Variants in MARCHF7 observed in about 807,000 individuals in gnomAD.
The protein encoded by MARCHF7 is E3 ubiquitin-protein ligase MARCHF7.
Under a neutral mutation model 76.5 loss-of-function variants are expected in MARCHF7, and 20 were observed. The observed-to-expected ratio is 0.26, with a 90% CI of 0.18 to 0.38. The LOEUF is 0.38. Ranked by LOEUF, MARCHF7 falls within the 10% of genes least tolerant of loss-of-function variation. The probability of loss-of-function intolerance (pLI) is 1.00; values close to 1 mark genes in which losing one functional copy is unlikely to be tolerated. For synonymous variants in MARCHF7, 295 were observed against 293.0 expected, an observed-to-expected ratio of 1.01 and a Z score of -0.07; for missense variants, 797 against 812.9, an observed-to-expected ratio of 0.98 and a Z score of 0.24.
In MARCHF7 at chr2:159,768,870, CTT is replaced by C. The variant is rs1448282327; in HGVS notation, c.*1530_*1531del. On this transcript the variant is annotated 3_prime_UTR_variant, in exon 12 of 12. Coordinates refer to ENST00000409175, the MANE Select transcript of MARCHF7 (RefSeq NM_001282805.2). ...GTTGTCTTCTGCTTAACCCATAAAACTTTATTTAAAAAATTTAACTAGATGGT... is the reference window on the plus strand; with the variant it reads ...GTTGTCTTCTGCTTAACCCATAAAACTATTTAAAAAATTTAACTAGATGGT... 2.0e-5 allele frequency: 3 copies of C among 152,052 alleles called. No individual in the cohort carries two copies. Among genetic ancestry groups the C allele is most frequent in the Non-Finnish European group, 2.9e-5 (2 of 67,990 alleles). 9.4% of individuals were successfully genotyped at this position (152,052 alleles called of 1,614,324 possible).
At chr2:159,747,560 C>T (rs1002784235) in intron 6 of MARCHF7, among the ~76,000 whole-genome samples, 1 of 151,964 alleles carries the variant, frequency 6.6e-6, no homozygotes, top group Non-Finnish European at 1.5e-5. Flanking sequence ...TTTTCATAAG[C>T]TCATAATACA....
At chr2:159,712,757 C>G (rs1194263493) in intron 1 of MARCHF7, 151 bp downstream of exon 1, 1 of 152,452 alleles carries the variant, frequency 6.6e-6, no homozygotes, top group Non-Finnish European at 1.5e-5. Context: ...GGCCTGGGGA[C>G]GCGGAGGCCG....
Position 159,770,949 on chromosome 2 carries a change from C to CATTT in MARCHF7, c.*3608_*3611dup, listed in dbSNP as rs1239840535. 2 of 152,094 alleles carry CATTT rather than the reference C, an allele frequency of 1.3e-5. No homozygotes were observed. The highest frequency in any genetic ancestry group is 4.8e-5 in the African/African-American group (2 of 41,432). The allele number at this position is 152,094 out of a possible 1,614,324, so 9.4% of individuals were successfully genotyped here. ...GGAAAATTACTCGTTTCAGCTTTTT[C>CATTT]ATTTTTTTACTCCCCAAATGATTTT... On this transcript the variant is annotated 3_prime_UTR_variant, in exon 12 of 12. Coordinates refer to ENST00000409175, the MANE Select transcript of MARCHF7 (RefSeq NM_001282805.2).
At chr2:159,756,018 T>G (rs1174960811) in intron 8 of MARCHF7, among the ~76,000 whole-genome samples, 5 of 152,208 alleles carry the variant, frequency 3.3e-5, no homozygotes, top group Non-Finnish European at 7.3e-5. Flanking sequence ...GCCTTTTCTC[T>G]GAGCTATATG....
Position 159,770,891 on chromosome 2 carries a change from T to TTATC in MARCHF7, c.*3551_*3554dup, listed in dbSNP as rs925761011. 4 of 152,154 alleles carry TTATC rather than the reference T, an allele frequency of 2.6e-5. No individual in the cohort carries two copies. The highest frequency in any genetic ancestry group is 7.2e-5 in the African/African-American group (3 of 41,438). The allele number at this position is 152,154 out of a possible 1,614,324, so 9.4% of individuals were successfully genotyped here. ...AATTTACGTGAAATTTATACATTCT[T>TTATC]TATCTTTCCTGTTTTTGGTTTATTG... On this transcript the variant is annotated 3_prime_UTR_variant, in exon 12 of 12. Coordinates refer to ENST00000409175, the MANE Select transcript of MARCHF7 (RefSeq NM_001282805.2).
chr2:159,729,230 C>T (rs1702499638), intron 4 of MARCHF7, 55 bp downstream of exon 4: 2 of 1,277,934 alleles, frequency 1.6e-6, no homozygotes, highest in Admixed American at 5.3e-5. Context: ...TCCCTAGGGC[C>T]ACTCTTTTGG....
intron 7 of MARCHF7, among the ~76,000 whole-genome samples, chr2:159,751,467 G>A (rs1469080112): frequency 6.6e-6 from 1 of 152,184 alleles, no homozygotes; most frequent in Non-Finnish European, 1.5e-5. Context: ...TAAATACCAT[G>A]TTTTCAATCT....
intron 8 of MARCHF7, among the ~76,000 whole-genome samples, chr2:159,755,000 T>G (rs910793219): frequency 2.0e-5 from 3 of 152,146 alleles, no homozygotes; most frequent in Non-Finnish European, 4.4e-5. Flanking sequence ...TTCAGATGCT[T>G]GGGATATAGC....
intron 8 of MARCHF7, among the ~76,000 whole-genome samples, chr2:159,753,483 G>A (rs550516337): frequency 4.2e-4 from 64 of 152,026 alleles, no homozygotes; most frequent in African/African-American, 1.4e-3. Context: ...CCCAGGAGGC[G>A]GAGCTTGCAG....
At chr2:159,758,900 G>A (rs1194802168) in intron 8 of MARCHF7, among the ~76,000 whole-genome samples, 1 of 152,166 alleles carries the variant, frequency 6.6e-6, no homozygotes, top group Non-Finnish European at 1.5e-5. Context: ...TACTTAAGGA[G>A]GAAGTAGGAA....
intron 9 of MARCHF7, among the ~76,000 whole-genome samples, chr2:159,760,747 A>T (rs1235083376): frequency 7.1e-5 from 10 of 141,468 alleles, no homozygotes; most frequent in Non-Finnish European, 7.6e-5. Flanking sequence ...TTTGTTTTTG[A>T]CTCGCTCTGT....
intron 4 of MARCHF7, among the ~76,000 whole-genome samples, chr2:159,735,065 T>A (rs979873096): frequency 6.6e-6 from 1 of 152,238 alleles, no homozygotes; most frequent in African/African-American, 2.4e-5. Context: ...GACATGAGTT[T>A]CTTCTGCATT....
At chr2:159,763,313 T>C (rs1334538281) in intron 10 of MARCHF7, among the ~76,000 whole-genome samples, 1 of 152,128 alleles carries the variant, frequency 6.6e-6, no homozygotes, top group African/African-American at 2.4e-5. Context: ...AAAACCTCAG[T>C]ATTATCACTT....
chr2:159,766,133 A>T (rs1207896196), intron 11 of MARCHF7, among the ~76,000 whole-genome samples: 3 of 152,172 alleles, frequency 2.0e-5, no homozygotes, highest in Non-Finnish European at 2.9e-5. Context: ...CTGCAAGTTA[A>T]CCCCTAAATA....
At chr2:159,765,295 G>C (rs1707634247) in intron 11 of MARCHF7, among the ~76,000 whole-genome samples, 1 of 151,822 alleles carries the variant, frequency 6.6e-6, no homozygotes, top group African/African-American at 2.4e-5. Context: ...TCACATTCCA[G>C]CATCAGGATT....
intron 3 of MARCHF7, among the ~76,000 whole-genome samples, chr2:159,723,819 C>T (rs887069576): frequency 6.6e-6 from 1 of 152,094 alleles, no homozygotes; most frequent in Non-Finnish European, 1.5e-5. Context: ...CTTCTATATA[C>T]ACAGTTTTTT....
At chr2:159,718,401 G>C (rs1226996883) in intron 3 of MARCHF7, among the ~76,000 whole-genome samples, 1 of 152,100 alleles carries the variant, frequency 6.6e-6, no homozygotes, top group Non-Finnish European at 1.5e-5. Flanking sequence ...TTTTAGGTGT[G>C]GGAGGTAGCA....
At chr2:159,763,812 A>G (rs1013227971) in intron 10 of MARCHF7, among the ~76,000 whole-genome samples, 1 of 152,080 alleles carries the variant, frequency 6.6e-6, no homozygotes, top group Non-Finnish European at 1.5e-5. Flanking sequence ...ATTAGTAAAA[A>G]ATTTTTCTTT....
intron 9 of MARCHF7, among the ~76,000 whole-genome samples, chr2:159,761,815 C>G (rs1391049567): frequency 6.6e-6 from 1 of 152,058 alleles, no homozygotes; most frequent in African/African-American, 2.4e-5. Context: ...TTGCCCAATT[C>G]AGTTTGTAAA....
Sources: gnomAD v4.1 joint callset for allele counts (sites outside exome capture counted in the v4.1 genomes callset) on GRCh38, gnomAD v4.1.1 for gene constraint, MANE v1.5 for transcripts, NCBI Gene and HGNC (gene_info 2026-07-23, HGNC 2026-07-21) for gene names.